The following ITGB6 variants were observed in gnomAD, a reference collection of about 807,000 sequenced individuals.
The protein encoded by ITGB6 is integrin subunit beta 6.
In ITGB6, 80 loss-of-function variants were observed where a neutral mutation model predicts 84.5. The observed-to-expected ratio is 0.95, with a 90% CI of 0.79 to 1.14. ITGB6 has a LOEUF of 1.14. Ranked by LOEUF, ITGB6 falls within the 50% of genes most tolerant of loss-of-function variation. The pLI is 0.00. For synonymous variants in ITGB6, 383 were observed against 354.9 expected (o/e 1.08, Z -0.89); for missense variants, 1,006 against 968.0 (o/e 1.04, Z -0.52).
chr2:160,170,595 A>G (rs1407000893), intron 6 of ITGB6, among the ~76,000 whole-genome samples: 1 of 152,174 alleles, frequency 6.6e-6, no homozygotes, highest in African/African-American at 2.4e-5. Context: ...TATTTGAATC[A>G]GATCTGTTGG....
chr2:160,149,201 C>T (rs1056747089), intron 7 of ITGB6, among the ~76,000 whole-genome samples: 8 of 152,162 alleles, frequency 5.3e-5, no homozygotes, highest in Non-Finnish European at 7.4e-5. Flanking sequence ...CAGTAGGGGC[C>T]GACAGACACC....
chr2:160,186,607 G>A (rs528164456), intron 4 of ITGB6, among the ~76,000 whole-genome samples: 215 of 152,160 alleles, frequency 1.4e-3, no homozygotes, highest in Non-Finnish European at 2.2e-3. Flanking sequence ...CAGCAATCCC[G>A]TTACTGCGTA....
intron 10 of ITGB6, among the ~76,000 whole-genome samples, chr2:160,133,757 G>A (rs1312925708): frequency 3.3e-5 from 5 of 151,948 alleles, no homozygotes; most frequent in Admixed American, 1.3e-4. Context: ...AAACTCACTC[G>A]AAACTGCTCA....
At chr2:160,121,749 C>A (rs1373829991) in intron 12 of ITGB6, among the ~76,000 whole-genome samples, 1 of 140,360 alleles carries the variant, frequency 7.1e-6, no homozygotes, top group African/African-American at 2.7e-5. Context: ...GCCGGGGAGA[C>A]AGGGTAAGGC....
chr2:160,195,393 G>T lies in ITGB6; in HGVS notation c.569C>A (p.Pro190Gln), dbSNP rs755932139. Reference protein sequence around the residue: ...KPVSPFVKTTPEEIANPCSSI... With the variant: ...KPVSPFVKTTQEEIANPCSSI... ...CCTGCAAGGGTTGGCAATTTCTTCT[G>T]GTGTTGTTTTCACAAAAGGGGATAC... Residue 190 changes from proline (P) to glutamine (Q), a missense_variant, in exon 4 of 15, where the codon CCA (proline) becomes CAA (glutamine). Coordinates refer to ENST00000283249, the MANE Select transcript of ITGB6 (RefSeq NM_000888.5). The T allele has an allele frequency of 5.0e-5, 80 of 1,614,020 alleles. No homozygotes were observed. The highest frequency in any genetic ancestry group is 6.6e-5 in the Non-Finnish European group (78 of 1,180,004).
chr2:160,134,968 G>A (rs1443437161), intron 10 of ITGB6, among the ~76,000 whole-genome samples: 1 of 151,998 alleles, frequency 6.6e-6, no homozygotes, highest in Non-Finnish European at 1.5e-5. Context: ...GGCAAAAACT[G>A]GAAGCATTCC....
At chr2:160,147,997 C>T (rs2966388) in intron 7 of ITGB6, among the ~76,000 whole-genome samples, 146,761 of 152,314 alleles carry the variant, frequency 0.96, 70,888 homozygotes, top group East Asian at 1. Flanking sequence ...TCTTCTACTC[C>T]GTGAAAGATG....
chr2:160,191,772 T>G (rs1310242899), intron 4 of ITGB6, among the ~76,000 whole-genome samples: 2 of 152,184 alleles, frequency 1.3e-5, no homozygotes, highest in East Asian at 3.8e-4. Flanking sequence ...TTCTAAGGAA[T>G]CTATAAAAAT....
intron 6 of ITGB6, among the ~76,000 whole-genome samples, chr2:160,170,417 C>T (rs1421796655): frequency 6.6e-6 from 1 of 152,172 alleles, no homozygotes; most frequent in East Asian, 1.9e-4. Flanking sequence ...CAAATATTAT[C>T]CATTTCCTCT....
rs780751245 is a variant in ITGB6 at position 160,107,868 on chromosome 2, A to G, written c.2102-23T>C. 3.2e-6 allele frequency: 5 copies of G among 1,555,242 alleles called. No individual in the cohort carries two copies. The Admixed American group carries it at 9.0e-5, about 28-fold the overall frequency. ...AATCTGCAGAAATAAAGAAAATTAT[A>G]AGAAGGTGGTAAAATCAACATTTTG... On this transcript the variant is annotated intron_variant, in intron 13 of 14. Coordinates refer to ENST00000283249, the MANE Select transcript of ITGB6 (RefSeq NM_000888.5).
At position 160,138,213 on chromosome 2, in the gene ITGB6, A is replaced by G. The variant is rs761173801; in HGVS notation, c.1108-14T>C. 1.9e-6 allele frequency: 3 copies of G among 1,589,700 alleles called. No individual in the cohort carries two copies. Among genetic ancestry groups the G allele is most frequent in the African/African-American group, 2.7e-5 (2 of 73,938 alleles). ...AGACCGCAGTTCCTTTAGTTACAAC[A>G]TAAAGAGTTCAGTGAAGTCACAACC... On this transcript the variant is annotated splice_polypyrimidine_tract_variant and intron_variant, in intron 8 of 14. Coordinates refer to ENST00000283249, the MANE Select transcript of ITGB6 (RefSeq NM_000888.5).
intron 10 of ITGB6, among the ~76,000 whole-genome samples, chr2:160,126,947 G>A (rs577706387): frequency 2.0e-5 from 3 of 152,284 alleles, no homozygotes; most frequent in Non-Finnish European, 2.9e-5. Context: ...AGTCCAGGCC[G>A]TGATGAGAGT....
intron 10 of ITGB6, among the ~76,000 whole-genome samples, chr2:160,134,329 C>A (rs903604616): frequency 6.6e-6 from 1 of 152,196 alleles, no homozygotes; most frequent in African/African-American, 2.4e-5. Flanking sequence ...TTCCTCGACA[C>A]ATACACTCTC....
At chr2:160,117,159 C>T (rs1157741516) in intron 12 of ITGB6, among the ~76,000 whole-genome samples, 4 of 151,576 alleles carry the variant, frequency 2.6e-5, no homozygotes, top group Admixed American at 1.3e-4. Flanking sequence ...CTGCACCAAG[C>T]GGACCTAATA....
At chr2:160,136,960 G>A (rs2105817309) in intron 10 of ITGB6, among the ~76,000 whole-genome samples, 1 of 151,486 alleles carries the variant, frequency 6.6e-6, no homozygotes, top group South Asian at 2.1e-4. Flanking sequence ...TAAATGATGA[G>A]TTAATGGGTG....
intron 7 of ITGB6, among the ~76,000 whole-genome samples, chr2:160,168,602 C>A (rs1685092253): frequency 1.3e-5 from 2 of 152,130 alleles, no homozygotes; most frequent in African/African-American, 4.8e-5. Context: ...TTGCAGTTTG[C>A]ACAGTGGTTT....
intron 12 of ITGB6, among the ~76,000 whole-genome samples, chr2:160,121,889 C>CTTTTTT (rs540209773): frequency 7.0e-6 from 1 of 143,858 alleles, no homozygotes; most frequent in Non-Finnish European, 1.5e-5. Context: ...TAAAGTTATG[C>CTTTTTT]TTTTTTTTTT....
chr2:160,158,414 T>C (rs1180331543), intron 7 of ITGB6, among the ~76,000 whole-genome samples: 6 of 152,080 alleles, frequency 3.9e-5, no homozygotes, highest in African/African-American at 1.4e-4. Flanking sequence ...GACAAACAAA[T>C]GCACAGAGAG....
At position 160,190,051 on chromosome 2, in the gene ITGB6, G is replaced by T. The variant is rs61706262; in HGVS notation, c.593+5318C>A. Among the ~76,000 whole-genome samples, 1,016 of 152,118 alleles carry T rather than the reference G, an allele frequency of 6.7e-3. 15 individuals carry two copies. Among genetic ancestry groups the T allele is most frequent in the African/African-American group, 0.024 (979 of 41,426 alleles). On this transcript the variant is annotated intron_variant, in intron 4 of 14. Coordinates refer to ENST00000283249, the MANE Select transcript of ITGB6 (RefSeq NM_000888.5). Reference sequence around the variant, plus strand: ...AAAAAATAATGAGTTCATGTCCTTTGTAGGAACATGAATGAAGCTGGAAAC... The same window carrying T: ...AAAAAATAATGAGTTCATGTCCTTTTTAGGAACATGAATGAAGCTGGAAAC...
Sources: allele counts gnomAD v4.1 joint callset (sites outside exome capture counted in the v4.1 genomes callset), GRCh38; gene constraint gnomAD v4.1.1; transcripts MANE v1.5; gene names NCBI Gene and HGNC (gene_info 2026-07-23, HGNC 2026-07-21).